TMEM232: variants seen among roughly 807,000 people sequenced by gnomAD.
TMEM232 encodes transmembrane protein 232.
In TMEM232, 80 loss-of-function variants were observed where a neutral mutation model predicts 78.8. The observed-to-expected ratio is 1.01, with a 90% CI of 0.85 to 1.22. The LOEUF is 1.22. Ranked by LOEUF, TMEM232 falls within the 50% of genes most tolerant of loss-of-function variation. The pLI is 0.00. For missense variants in TMEM232, 881 were observed against 742.2 expected, an observed-to-expected ratio of 1.19 and a Z score of -2.17; for synonymous variants, 297 against 254.3, an observed-to-expected ratio of 1.17 and a Z score of -1.60.
rs1019971123 is a variant in TMEM232, at chr5:110,568,634, A to C, written c.1277-9T>G. 1 of 1,524,868 alleles carries C rather than the reference A, an allele frequency of 6.6e-7. No homozygotes were observed. Among genetic ancestry groups the C allele is most frequent in the African/African-American group, 1.4e-5 (1 of 71,246 alleles). 94.5% of individuals were successfully genotyped at this position (1,524,868 alleles called of 1,614,324 possible). Reference sequence around the variant, plus strand: ...CCAGACTACTTGATCACCTGTTTAAAAAGAAAAAGTCTTTGGGAATTATCA... The same window carrying C: ...CCAGACTACTTGATCACCTGTTTAACAAGAAAAAGTCTTTGGGAATTATCA... On this transcript the variant is annotated splice_polypyrimidine_tract_variant and intron_variant, in intron 10 of 13. Coordinates refer to ENST00000455884, the MANE Select transcript of TMEM232 (RefSeq NM_001039763.4).
chr5:110,476,721 G>A (rs1341117527), intron 12 of TMEM232, among the ~76,000 whole-genome samples: 1 of 152,006 alleles, frequency 6.6e-6, no homozygotes, highest in Non-Finnish European at 1.5e-5. Context: ...AAGTCTGCTA[G>A]CATTTCCCAG....
rs1296519587 is a variant in TMEM232, at chr5:110,528,819, G to A, written c.1472C>T (p.Pro491Leu). 1.4e-6 allele frequency: 2 copies of A among 1,479,478 alleles called. No individual in the cohort carries two copies. Among genetic ancestry groups the A allele is most frequent in the South Asian group, 1.4e-5 (1 of 71,692 alleles). The allele number at this position is 1,479,478 out of a possible 1,614,324, so 91.6% of individuals were successfully genotyped here. A position where few individuals can be genotyped will look rare whatever the true frequency, so the allele number is the denominator to read the frequency against. ...ACTATATCTAGTGAAAGGATCAGTT[G>A]GGTCATTTAACTCAGCCTGTTGAAA... The part of the protein sequence containing the change: ...INIAQAELND[P>L]TDPFTRYSTN... Residue 491 changes from proline (P) to leucine (L), a missense_variant, in exon 12 of 14, where the codon CCA becomes CTA. Physicochemically the swap from Pro to Leu is moderately conservative, Grantham distance 98. Transcript: ENST00000455884.
intron 11 of TMEM232, among the ~76,000 whole-genome samples, chr5:110,563,175 T>C (rs144410818): frequency 6.6e-6 from 1 of 151,926 alleles, no homozygotes; most frequent in Non-Finnish European, 1.5e-5. Context: ...AAATTAGCAC[T>C]GGTAGTGGTT....
chr5:110,585,220 A>AAT (rs1778669210), intron 10 of TMEM232, among the ~76,000 whole-genome samples: 2 of 152,164 alleles, frequency 1.3e-5, no homozygotes, highest in Admixed American at 6.6e-5. Flanking sequence ...CAACCATACA[A>AAT]GGGAATAAAC....
At chr5:110,502,184 A>C (rs1376469739) in intron 12 of TMEM232, among the ~76,000 whole-genome samples, 2 of 152,158 alleles carry the variant, frequency 1.3e-5, no homozygotes, top group East Asian at 3.9e-4. Flanking sequence ...CATTTCATAA[A>C]TGTTCCTCAA....
At chr5:110,722,675 C>T (rs767185971) in intron 1 of TMEM232, among the ~76,000 whole-genome samples, 35 of 152,118 alleles carry the variant, frequency 2.3e-4, no homozygotes, top group Admixed American at 3.3e-4. Context: ...ACTGCCACCA[C>T]ATTTTATTGG....
chr5:110,677,285 G>C (rs1561498295), intron 1 of TMEM232, among the ~76,000 whole-genome samples: 1 of 151,092 alleles, frequency 6.6e-6, no homozygotes, highest in South Asian at 2.1e-4. Context: ...AAATATAATG[G>C]ATATTAACCT....
intron 12 of TMEM232, among the ~76,000 whole-genome samples, chr5:110,513,132 T>A (rs1055849371): frequency 6.6e-6 from 1 of 152,176 alleles, no homozygotes; most frequent in African/African-American, 2.4e-5. Context: ...AACAGATAGA[T>A]AGATAGAAAT....
At chr5:110,535,686 G>C (rs1474093063) in intron 11 of TMEM232, among the ~76,000 whole-genome samples, 1 of 152,018 alleles carries the variant, frequency 6.6e-6, no homozygotes, top group African/African-American at 2.4e-5. Context: ...GTGAACTCTG[G>C]AATTACTAAG....
At chr5:110,602,875 A>C (rs1438382915) in intron 10 of TMEM232, among the ~76,000 whole-genome samples, 3 of 152,218 alleles carry the variant, frequency 2.0e-5, no homozygotes, top group African/African-American at 7.2e-5. Flanking sequence ...ACAATAGCGA[A>C]GAGTTGGAAC....
chr5:110,738,929 C>T, upstream of TMEM232: 1 of 1,404,008 alleles, frequency 7.1e-7, no homozygotes, highest in Non-Finnish European at 9.3e-7. Context: ...AGCAACCGTG[C>T]CCTTTAATGG....
chr5:110,625,875 A>G (rs1185608161), intron 6 of TMEM232, among the ~76,000 whole-genome samples: 1 of 151,892 alleles, frequency 6.6e-6, no homozygotes, highest in East Asian at 1.9e-4. Context: ...TATGTTGTAA[A>G]TAATAAAAAC....
intron 1 of TMEM232, among the ~76,000 whole-genome samples, chr5:110,687,008 C>CTT (rs1793502879): frequency 6.6e-6 from 1 of 152,116 alleles, no homozygotes. Flanking sequence ...CACTGTTAAT[C>CTT]AAGTCTGCTT....
chr5:110,611,771 A>G (rs1375105544), intron 8 of TMEM232, among the ~76,000 whole-genome samples: 1 of 152,106 alleles, frequency 6.6e-6, no homozygotes, highest in Non-Finnish European at 1.5e-5. Flanking sequence ...TGTTGAGGGG[A>G]CGAACGCAAA....
intron 12 of TMEM232, among the ~76,000 whole-genome samples, chr5:110,475,647 A>G (rs767061861): frequency 1.1e-4 from 17 of 151,980 alleles, no homozygotes; most frequent in African/African-American, 1.9e-4. Flanking sequence ...AGATAGAGCT[A>G]TAAGTACAAG....
At chr5:110,532,556 T>A (rs901085732) in intron 11 of TMEM232, among the ~76,000 whole-genome samples, 1 of 151,976 alleles carries the variant, frequency 6.6e-6, no homozygotes, top group Non-Finnish European at 1.5e-5. Context: ...CAATACTCTT[T>A]TAAGCACTCC....
intron 4 of TMEM232, among the ~76,000 whole-genome samples, chr5:110,389,264 C>G (rs111640632): frequency 8.9e-6 from 1 of 111,930 alleles, no homozygotes; most frequent in Non-Finnish European, 1.6e-5. Flanking sequence ...CCATCTCAAA[C>G]AAACAAACAA....
At chr5:110,411,609 C>A (rs1039277569) in intron 2 of TMEM232, among the ~76,000 whole-genome samples, 10 of 152,142 alleles carry the variant, frequency 6.6e-5, no homozygotes, top group Non-Finnish European at 1.3e-4. Flanking sequence ...ATTTTTACCT[C>A]CCCATCTCCT....
rs1554069154 is a variant in TMEM232, at chr5:110,652,294, G to GCGCGCACACACA, written c.126-9924_126-9923insTGTGTGTGCGCG. Among the ~76,000 whole-genome samples, 171 of 145,450 alleles carry GCGCGCACACACA rather than the reference G, an allele frequency of 1.2e-3. 1 individual carries two copies. The highest frequency in any genetic ancestry group is 1.8e-3 in the South Asian group (8 of 4,534). On this transcript the variant is annotated intron_variant, in intron 2 of 13. Transcript: ENST00000455884. ...CAAGCACACAAAAGTGCACGCGCGC[G>GCGCGCACACACA]CACACACACACACACACACACACAC... is the stretch of plus-strand genomic sequence containing the variant.
Sources: allele counts gnomAD v4.1 joint callset (sites outside exome capture counted in the v4.1 genomes callset), GRCh38; gene constraint gnomAD v4.1.1; transcripts MANE v1.5; gene names NCBI Gene and HGNC (gene_info 2026-07-23, HGNC 2026-07-21).